CFDP1: variants seen among roughly 807,000 people sequenced by gnomAD.
CFDP1 encodes the protein heterochromatin-stabilizing protein CFDP1.
Under a neutral mutation model 40.1 loss-of-function variants are expected in CFDP1, and 31 were observed. The ratio of observed to expected loss-of-function variants is 0.77; its 90% CI spans 0.58 to 1.04. The LOEUF is 1.04. Among genes scored for constraint, CFDP1 ranks in the 50% least tolerant of loss-of-function variants. The pLI, the probability that CFDP1 is intolerant of heterozygous loss-of-function variation, is 0.00. For missense variants in CFDP1, 423 were observed against 343.4 expected (o/e 1.23, Z -1.83); for synonymous variants, 167 against 120.0 (o/e 1.39, Z -2.56).
At chr16:75,302,676 C>G (rs2078228982) in intron 6 of CFDP1, among the ~76,000 whole-genome samples, 1 of 152,248 alleles carries the variant, frequency 6.6e-6, no homozygotes. Context: ...TCTCAGATCA[C>G]TGTGCAAGAG....
intron 5 of CFDP1, among the ~76,000 whole-genome samples, chr16:75,355,015 T>C (rs2151528437): frequency 6.6e-6 from 1 of 152,346 alleles, no homozygotes; most frequent in East Asian, 1.9e-4. Flanking sequence ...TCCTAGTGTA[T>C]ATGTAAGTTA....
Position 75,378,538 on chromosome 16 carries a change from C to T in CFDP1, c.650+16552G>A, listed in dbSNP as rs975734045. On this transcript the variant is annotated intron_variant, in intron 5 of 6. Transcript: ENST00000283882. ...TATTCATTTACTCCTTAATCAAATA[C>T]TATAAATTATTTGCCACGTACCAGG... is the stretch of plus-strand genomic sequence containing the variant. Among the ~76,000 whole-genome samples the T allele has an allele frequency of 5.0e-4, 76 of 152,068 alleles. 1 individual carries two copies. The highest frequency in any genetic ancestry group is 1.2e-4 in the Non-Finnish European group (8 of 68,028).
intron 5 of CFDP1, among the ~76,000 whole-genome samples, chr16:75,361,762 G>C (rs931256436): frequency 7.2e-5 from 11 of 152,146 alleles, no homozygotes; most frequent in African/African-American, 2.7e-4. Context: ...ATACACTGTA[G>C]AAAACAACTC....
chr16:75,343,887 G>C (rs1334119813), intron 5 of CFDP1, among the ~76,000 whole-genome samples: 1 of 152,134 alleles, frequency 6.6e-6, no homozygotes, highest in Non-Finnish European at 1.5e-5. Flanking sequence ...ACATAAGCAT[G>C]CGACATTTTA....
At chr16:75,319,109 T>A (rs2078345252) in intron 5 of CFDP1, among the ~76,000 whole-genome samples, 1 of 152,190 alleles carries the variant, frequency 6.6e-6, no homozygotes. Context: ...AGTGGAGCGA[T>A]CTCGGCTCAC....
intron 5 of CFDP1, chr16:75,391,598 A>G (rs913424114): frequency 6.6e-6 from 1 of 152,244 alleles, no homozygotes; most frequent in African/African-American, 2.4e-5. Context: ...ACCTTTTTAC[A>G]TACCTATTTT....
chr16:75,329,416 A>C (rs1002956239), intron 5 of CFDP1, among the ~76,000 whole-genome samples: 3 of 152,166 alleles, frequency 2.0e-5, no homozygotes, highest in African/African-American at 7.2e-5. Context: ...TTTTCAAATT[A>C]TGCATCCGTG....
chr16:75,343,599 C>T (rs1485570211), intron 5 of CFDP1, among the ~76,000 whole-genome samples: 3 of 152,204 alleles, frequency 2.0e-5, no homozygotes, highest in East Asian at 1.9e-4. Flanking sequence ...GGCCTCAGGG[C>T]ACCTGGGGAA....
At chr16:75,383,766 C>T (rs2078870269) in intron 5 of CFDP1, among the ~76,000 whole-genome samples, 1 of 147,848 alleles carries the variant, frequency 6.8e-6, no homozygotes, top group Non-Finnish European at 1.5e-5. Context: ...TTGCAGTAAG[C>T]CGAGATCGTG....
At chr16:75,405,771 GA>G (rs2079092373) in intron 4 of CFDP1, among the ~76,000 whole-genome samples, 1 of 132,200 alleles carries the variant, frequency 7.6e-6, no homozygotes, top group Non-Finnish European at 1.6e-5. Flanking sequence ...AAAAACAAAT[GA>G]GCCAGGCGTG....
chr16:75,412,435 T>A (rs144346572), intron 3 of CFDP1, 100 bp downstream of exon 3: 4 of 883,990 alleles, frequency 4.5e-6, no homozygotes, highest in Non-Finnish European at 7.4e-6. Flanking sequence ...CTTAGTACAA[T>A]TGTTATCAAA....
At chr16:75,381,291 C>G (rs1346888574) in intron 5 of CFDP1, 1 of 151,890 alleles carries the variant, frequency 6.6e-6, no homozygotes, top group Non-Finnish European at 1.5e-5. Context: ...AAGTGAGACC[C>G]TGTCTCAATA....
rs576159069 is a variant in CFDP1, at chr16:75,431,886, G to A, written c.64+1403C>T. ...TCCTGAGGAATATTAAATAAAATAGGGATGAGGGTGATGGGACTGGCTAAC... is the reference window on the plus strand; with the variant it reads ...TCCTGAGGAATATTAAATAAAATAGAGATGAGGGTGATGGGACTGGCTAAC... On this transcript the variant is annotated intron_variant, in intron 1 of 6. Coordinates refer to ENST00000283882, the MANE Select transcript of CFDP1 (RefSeq NM_006324.3). Among the ~76,000 whole-genome samples the A allele has an allele frequency of 2.1e-4, 22 of 105,034 alleles. No individual in the cohort carries two copies. In the East Asian group the frequency reaches 4.9e-3, roughly 24 times the overall value. The allele number at this position is 105,034 out of a possible 152,430, so 68.9% of individuals were successfully genotyped here. A position where few individuals can be genotyped will look rare whatever the true frequency, so the allele number is the denominator to read the frequency against.
At chr16:75,427,994 T>A (rs1388346462) in intron 1 of CFDP1, among the ~76,000 whole-genome samples, 1 of 152,098 alleles carries the variant, frequency 6.6e-6, no homozygotes, top group East Asian at 1.9e-4. Flanking sequence ...AAAAGCTGCC[T>A]ACTGTTATGG....
chr16:75,324,321 T>C (rs773687487), intron 5 of CFDP1, among the ~76,000 whole-genome samples: 8 of 152,126 alleles, frequency 5.3e-5, no homozygotes, highest in Non-Finnish European at 8.8e-5. Flanking sequence ...GGCACTGAGA[T>C]GTGTGTGAAT....
chr16:75,341,451 A>T (rs1033394759), intron 5 of CFDP1, among the ~76,000 whole-genome samples: 1 of 152,198 alleles, frequency 6.6e-6, no homozygotes, highest in Admixed American at 6.5e-5. Flanking sequence ...GAAGGAAATT[A>T]TGAAGAGATT....
chr16:75,388,042 G>C (rs2078914636), intron 5 of CFDP1, among the ~76,000 whole-genome samples: 1 of 152,212 alleles, frequency 6.6e-6, no homozygotes, highest in African/African-American at 2.4e-5. Context: ...GAGAATAAGA[G>C]CGAGCAGTGG....
intron 5 of CFDP1, among the ~76,000 whole-genome samples, chr16:75,355,279 T>C (rs564336105): frequency 3.9e-5 from 6 of 152,360 alleles, no homozygotes; most frequent in African/African-American, 1.4e-4. Flanking sequence ...GTCTGTCACA[T>C]TGACTCCTCT....
chr16:75,300,855 G>A (rs2078216927), intron 6 of CFDP1, among the ~76,000 whole-genome samples: 1 of 151,980 alleles, frequency 6.6e-6, no homozygotes, highest in Admixed American at 6.6e-5. Context: ...AGCTTTCCTG[G>A]GGAGGAAGAG....
Sources: allele counts gnomAD v4.1 joint callset (sites outside exome capture counted in the v4.1 genomes callset), GRCh38; gene constraint gnomAD v4.1.1; transcripts MANE v1.5; gene names NCBI Gene and HGNC (gene_info 2026-07-23, HGNC 2026-07-21).